Variants in RIPK4 observed in about 807,000 individuals in gnomAD.
RIPK4 encodes receptor interacting serine/threonine kinase 4.
A neutral mutation model predicts 42.9 loss-of-function variants in RIPK4; 17 were observed. The observed-to-expected ratio is 0.40, with a 90% confidence interval of 0.27 to 0.59. The LOEUF is 0.59. RIPK4 is among the 20% of genes least tolerant of loss of function. RIPK4 has a pLI of 0.47. For synonymous variants in RIPK4, 498 were observed against 499.1 expected, an observed-to-expected ratio of 1.00 and a Z score of 0.03; for missense variants, 897 against 1,104.4, an observed-to-expected ratio of 0.81 and a Z score of 2.66.
chr21:41,757,721 C>A (rs1215021537), intron 1 of RIPK4, among the ~76,000 whole-genome samples: 2 of 151,462 alleles, frequency 1.3e-5, no homozygotes, highest in Non-Finnish European at 1.5e-5. Context: ...AAAATATAGG[C>A]CGGGTGTGAT....
rs757676130 is a variant in RIPK4, at chr21:41,741,471, C to T, written c.1722G>A (p.Leu574=). 1 of 1,612,722 alleles carries T rather than the reference C, an allele frequency of 6.2e-7. No individual in the cohort carries two copies. Among genetic ancestry groups the T allele is most frequent in the South Asian group, 1.1e-5 (1 of 91,078 alleles). ...GGTGGCCCTGCCAGGCAGCGTAGTG[C>T]AGTGGCAGCCAGGCATCCTTGCCCT... The part of the protein sequence containing the change: ...SLQGKDAWLP[L]HYAAWQGHLP... The change falls in exon 8 of 8, where the codon CTG becomes CTA. Residue 574 remains leucine (L), a synonymous_variant. Coordinates refer to ENST00000332512, the MANE Select transcript of RIPK4 (RefSeq NM_020639.3).
In RIPK4 at chr21:41,766,851, G is replaced by A; in HGVS notation, c.182+9C>T. 1.2e-6 allele frequency: 2 copies of A among 1,603,698 alleles called. No homozygotes were observed. Among genetic ancestry groups the A allele is most frequent in the Non-Finnish European group, 1.7e-6 (2 of 1,175,754 alleles). ...CCAGCCGCCCCAGCGCCCCGCCCGG[G>A]CCGCTCACCTGTCGTCGACGTGCAG... On this transcript the variant is annotated intron_variant, in intron 1 of 7. Coordinates refer to ENST00000332512, the MANE Select transcript of RIPK4 (RefSeq NM_020639.3).
chr21:41,756,791 C>T lies in RIPK4; in HGVS notation c.208G>A (p.Ala70Thr). Reference protein sequence around the residue: ...DRERMELLEEAKKMEMAKFRY... With the variant: ...DRERMELLEETKKMEMAKFRY... ...AACTTGGCCATCTCCATCTTCTTGG[C>T]TTCTTCCAAAAGCTCCATGCGCTCC... Residue 70 changes from alanine (A) to threonine (T), a missense_variant, in exon 2 of 8, where the codon GCC (alanine) becomes ACC (threonine). Transcript: ENST00000332512. 2.5e-6 allele frequency: 4 copies of T among 1,613,860 alleles called. No individual in the cohort carries two copies. The highest frequency in any genetic ancestry group is 3.4e-6 in the Non-Finnish European group (4 of 1,179,758).
At position 41,751,133 on chromosome 21, in the gene RIPK4, T is replaced by C. The variant is rs2061187196; in HGVS notation, c.587A>G (p.Lys196Arg). ...AYLPPERIREKSRLFDTKHDV... is the reference protein window; with the variant it reads ...AYLPPERIRERSRLFDTKHDV... ...GTGCTTGGTGTCGAAGAGCCGGCTC[T>C]TCTCCCTGATGCGCTCTGGAGGGAG... Residue 196 changes from lysine to arginine, a missense_variant, in exon 3 of 8, where the codon AAG becomes AGG. By Grantham distance (26) the Lys-to-Arg change is conservative (BLOSUM62 2). Coordinates refer to ENST00000332512, the MANE Select transcript of RIPK4 (RefSeq NM_020639.3). This position sits in a 1 kb window ranked among gnomAD's most constrained non-coding sequence, Gnocchi z 4.5. The C allele has an allele frequency of 6.2e-7, 1 of 1,614,064 alleles. No homozygotes were observed. Among genetic ancestry groups the C allele is most frequent in the African/African-American group, 1.3e-5 (1 of 74,938 alleles).
intron 3 of RIPK4, among the ~76,000 whole-genome samples, chr21:41,750,210 C>T (rs1380653369): frequency 1.3e-5 from 2 of 152,212 alleles, no homozygotes; most frequent in East Asian, 3.8e-4. Context: ...GACCAAAAGG[C>T]AGAGCTCACA....
Position 41,742,015 on chromosome 21 carries a change from G to C in RIPK4, c.1196-18C>G. 6.4e-7 allele frequency: 1 copy of C among 1,564,030 alleles called. No individual in the cohort carries two copies. Among genetic ancestry groups the C allele is most frequent in the Non-Finnish European group, 8.7e-7 (1 of 1,152,890 alleles). ...GCCCAGATCTGCAGGGAGAGGAGAG[G>C]CAAAGGTCAGAGCGTGGCTGCACAT... On this transcript the variant is annotated intron_variant, in intron 7 of 7. Coordinates refer to ENST00000332512, the MANE Select transcript of RIPK4 (RefSeq NM_020639.3). The surrounding 1 kb of genome is among the most constrained non-coding windows in gnomAD (Gnocchi z 5.1).
intron 1 of RIPK4, among the ~76,000 whole-genome samples, chr21:41,761,968 A>G (rs1253197829): frequency 6.6e-6 from 1 of 152,176 alleles, no homozygotes; most frequent in Non-Finnish European, 1.5e-5. Context: ...CTCTTTCTGC[A>G]GAACGGAGAC....
chr21:41,756,218 C>T (rs1354618569), intron 2 of RIPK4, among the ~76,000 whole-genome samples: 1 of 152,190 alleles, frequency 6.6e-6, no homozygotes, highest in African/African-American at 2.4e-5. Flanking sequence ...TTTCATAAGA[C>T]CAAAACCCAC....
At chr21:41,747,110 C>T (rs2061174360) in intron 4 of RIPK4, among the ~76,000 whole-genome samples, 1 of 152,214 alleles carries the variant, frequency 6.6e-6, no homozygotes, top group African/African-American at 2.4e-5. Context: ...TTATGAGGCT[C>T]ATTCCATCAA....
At chr21:41,754,406 T>G (rs1336629695) in intron 2 of RIPK4, among the ~76,000 whole-genome samples, 1 of 152,198 alleles carries the variant, frequency 6.6e-6, no homozygotes, top group African/African-American at 2.4e-5. Context: ...ACAAAAGCAA[T>G]CTTTCCTGCG....
intron 4 of RIPK4, 25 bp from the exon 5 acceptor site, chr21:41,746,796 G>T: frequency 6.4e-7 from 1 of 1,560,584 alleles, no homozygotes. Flanking sequence ...ATGCGAGTCA[G>T]GGGCTCTGCA....
intron 1 of RIPK4, among the ~76,000 whole-genome samples, chr21:41,764,686 C>G (rs1432509131): frequency 6.6e-6 from 1 of 152,186 alleles, no homozygotes; most frequent in African/African-American, 2.4e-5. Context: ...TGCAATGCAA[C>G]CAGCTCCTGG....
Position 41,741,597 on chromosome 21 carries a change from C to T in RIPK4, c.1596G>A (p.Glu532=). Residue 532 remains glutamate, a synonymous_variant, in exon 8 of 8, where the codon GAG becomes GAA. Transcript: ENST00000332512. The part of the protein sequence containing the change: ...LLLEKNASVN[E]VDFEGRTPMH... ...TGGGCGTCCGGCCCTCAAAGTCCAC[C>T]TCGTTGACCGAGGCGTTCTTCTCCA... is the stretch of plus-strand genomic sequence containing the variant. 6.2e-7 allele frequency: 1 copy of T among 1,612,278 alleles called. No individual in the cohort carries two copies. Among genetic ancestry groups the T allele is most frequent in the Non-Finnish European group, 8.5e-7 (1 of 1,180,030 alleles).
rs563412482 is a variant in RIPK4 at position 41,742,818 on chromosome 21, T to C, written c.1196-821A>G. 3.9e-5 allele frequency among the ~76,000 whole-genome samples: 6 copies of C among 152,110 alleles called. No homozygotes were observed. Among genetic ancestry groups the C allele is most frequent in the Non-Finnish European group, 7.4e-5 (5 of 68,024 alleles). On this transcript the variant is annotated intron_variant, in intron 7 of 7. Coordinates refer to ENST00000332512, the MANE Select transcript of RIPK4 (RefSeq NM_020639.3). This position sits in a 1 kb window ranked among gnomAD's most constrained non-coding sequence, Gnocchi z 5.1. ...GAAGACAAGATGTCATTTCAGAGTA[T>C]TAGACCCAAAGAGAATGTTCTAGAA...
rs773154535 is a variant in RIPK4 at position 41,744,065 on chromosome 21, G to T, written c.1012C>A (p.Gln338Lys). 2 of 1,612,822 alleles carry T rather than the reference G, an allele frequency of 1.2e-6. No individual in the cohort carries two copies. The highest frequency in any genetic ancestry group is 1.7e-6 in the Non-Finnish European group (2 of 1,179,762). The change falls in exon 7 of 8, where the codon CAG becomes AAG. Residue 338 changes from glutamine to lysine, a missense_variant. By Grantham distance (53) the Gln-to-Lys change is moderately conservative. Transcript: ENST00000332512. ...NDYSLSELLS[Q>K]LDSGVSQAVE... ...GCCTGGGAAACTCCAGAGTCCAGCTGTGAGAGCAGCTCGGAGAGGCTGTAG... is the reference window on the plus strand; with the variant it reads ...GCCTGGGAAACTCCAGAGTCCAGCTTTGAGAGCAGCTCGGAGAGGCTGTAG...
chr21:41,757,913 C>G (rs972735724), intron 1 of RIPK4, among the ~76,000 whole-genome samples: 1 of 145,374 alleles, frequency 6.9e-6, no homozygotes, highest in African/African-American at 2.6e-5. Context: ...ACAGGAGAAT[C>G]ACTTGAACCT....
rs749250873 is a variant in RIPK4 at position 41,741,651 on chromosome 21, G to C, written c.1542C>G (p.Asn514Lys). 2 of 1,613,614 alleles carry C rather than the reference G, an allele frequency of 1.2e-6. No homozygotes were observed. Among genetic ancestry groups the C allele is most frequent in the South Asian group, 2.2e-5 (2 of 91,084 alleles). The stretch of plus-strand genomic sequence containing the variant: ...GCAGCCGTGTGCTAGACTCGTCCCC[G>C]TTCTGGGCTGCAAAGTGGAGGGCTG... ...QWTALHFAAQ[N>K]GDESSTRLLL... Residue 514 changes from asparagine to lysine, a missense_variant, in exon 8 of 8, where the codon AAC (asparagine) becomes AAG (lysine). Physicochemically the swap from Asn to Lys is moderately conservative, Grantham distance 94 (BLOSUM62 0). Coordinates refer to ENST00000332512, the MANE Select transcript of RIPK4 (RefSeq NM_020639.3).
chr21:41,764,261 GAAGGCCTGGCC>G (rs2061229754), intron 1 of RIPK4, among the ~76,000 whole-genome samples: 1 of 152,236 alleles, frequency 6.6e-6, no homozygotes, highest in Admixed American at 6.5e-5. Flanking sequence ...AGGGCCGGCT[GAAGGCCTGGCC>G]CAGGGGAGCT....
intron 1 of RIPK4, among the ~76,000 whole-genome samples, chr21:41,763,089 AG>A (rs1231846351): frequency 2.6e-5 from 4 of 152,162 alleles, no homozygotes; most frequent in Non-Finnish European, 5.9e-5. Flanking sequence ...GCTTCCACGC[AG>A]GAACGGGAAA....
Sources: allele counts gnomAD v4.1 joint callset (sites outside exome capture counted in the v4.1 genomes callset), GRCh38; gene constraint gnomAD v4.1.1; non-coding constraint Gnocchi (gnomAD v3.1); transcripts MANE v1.5; gene names NCBI Gene and HGNC (gene_info 2026-07-23, HGNC 2026-07-21).